The following PRKN variants were observed in gnomAD, a reference collection of about 807,000 sequenced individuals.
The protein encoded by PRKN is parkin RBR E3 ubiquitin protein ligase.
A neutral mutation model predicts 59.5 loss-of-function variants in PRKN; 56 were observed. The ratio of observed to expected loss-of-function variants is 0.94; its 90% CI spans 0.76 to 1.18. PRKN has a LOEUF of 1.18. PRKN is among the 50% of genes most tolerant of loss of function. The probability of loss-of-function intolerance (pLI) is 0.00; values close to 1 mark genes in which losing one functional copy is unlikely to be tolerated. For synonymous variants in PRKN, 250 were observed against 222.1 expected (o/e 1.13, Z -1.12); for missense variants, 657 against 596.4 (o/e 1.10, Z -1.06).
chr6:161,473,617 A>G lies in PRKN; in HGVS notation c.1083+75237T>C, dbSNP rs1034095437. ...AAAATGGGGAGATATGGGTCAAAGC[A>G]TACAAAGTTACAGGTAGGACAAATA... On this transcript the variant is annotated intron_variant, in intron 9 of 11. Coordinates refer to ENST00000366898, the MANE Select transcript of PRKN (RefSeq NM_004562.3). This position sits in a 1 kb window ranked among gnomAD's most constrained non-coding sequence, Gnocchi z 4.1. 2.0e-5 allele frequency among the ~76,000 whole-genome samples: 3 copies of G among 151,880 alleles called. No individual in the cohort carries two copies. Among genetic ancestry groups the G allele is most frequent in the Non-Finnish European group, 4.4e-5 (3 of 68,002 alleles).
intron 7 of PRKN, among the ~76,000 whole-genome samples, chr6:161,637,014 T>G (rs984783630): frequency 3.3e-5 from 5 of 152,330 alleles, no homozygotes; most frequent in Non-Finnish European, 7.3e-5. Flanking sequence ...TCAGAATGTA[T>G]CAGCCACTGC....
intron 7 of PRKN, among the ~76,000 whole-genome samples, chr6:161,756,634 T>C (rs948594398): frequency 4.6e-5 from 7 of 151,846 alleles, no homozygotes; most frequent in African/African-American, 7.3e-5. Flanking sequence ...TGTCTTTATG[T>C]CTTTCTTTTT....
At chr6:161,988,253 G>A (rs966461760) in intron 5 of PRKN, among the ~76,000 whole-genome samples, 4 of 152,064 alleles carry the variant, frequency 2.6e-5, no homozygotes, top group East Asian at 3.9e-4. Flanking sequence ...TTGGGAGGCC[G>A]AGGCAGGCGG....
intron 7 of PRKN, among the ~76,000 whole-genome samples, chr6:161,713,446 G>A (rs945264495): frequency 6.6e-6 from 1 of 152,108 alleles, no homozygotes; most frequent in African/African-American, 2.4e-5. Flanking sequence ...TCTCTAGGGG[G>A]TGCACCCTGA....
intron 1 of PRKN, among the ~76,000 whole-genome samples, chr6:162,551,777 C>T (rs1288434197): frequency 1.3e-5 from 2 of 152,204 alleles, no homozygotes; most frequent in Admixed American, 6.5e-5. Context: ...TTGTCCTCCA[C>T]AATCCTTGAA....
intron 1 of PRKN, among the ~76,000 whole-genome samples, chr6:162,492,909 C>A (rs994394550): frequency 1.1e-4 from 17 of 150,930 alleles, no homozygotes; most frequent in Admixed American, 1.1e-3. Context: ...GCTGAGATCC[C>A]GCCACTGCAC....
At chr6:161,784,846 G>A (rs918218425) in intron 7 of PRKN, among the ~76,000 whole-genome samples, 6 of 151,982 alleles carry the variant, frequency 3.9e-5, no homozygotes, top group South Asian at 4.2e-4. Context: ...CCAAAAAGAC[G>A]GAAACAACAC....
At chr6:161,928,975 C>A (rs916489439) in intron 6 of PRKN, among the ~76,000 whole-genome samples, 4 of 151,788 alleles carry the variant, frequency 2.6e-5, no homozygotes, top group Non-Finnish European at 5.9e-5. Flanking sequence ...CATGTATATA[C>A]CCCAAAAAAG....
At position 162,431,314 on chromosome 6, in the gene PRKN, T is replaced by G. The variant is rs1412351833; in HGVS notation, c.171+11996A>C. Among the ~76,000 whole-genome samples the G allele has an allele frequency of 2.6e-5, 4 of 152,172 alleles. No individual in the cohort carries two copies. In the East Asian group the frequency reaches 7.7e-4, roughly 29 times the overall value. Reference sequence around the variant, plus strand: ...GTAACCAACAGATACATATCATCAATGCGCACAGAAACTTAAGGAGGGGCC... The same window carrying G: ...GTAACCAACAGATACATATCATCAAGGCGCACAGAAACTTAAGGAGGGGCC... On this transcript the variant is annotated intron_variant, in intron 2 of 11. Coordinates refer to ENST00000366898, the MANE Select transcript of PRKN (RefSeq NM_004562.3).
chr6:161,426,218 T>G (rs116224304), intron 9 of PRKN, among the ~76,000 whole-genome samples: 5,587 of 152,244 alleles, frequency 0.037, 343 homozygotes, highest in African/African-American at 0.13. Flanking sequence ...AGGGGCGTGC[T>G]GAAGTACCTC....
chr6:162,179,109 G>A (rs1041982797), intron 4 of PRKN, among the ~76,000 whole-genome samples: 3 of 152,064 alleles, frequency 2.0e-5, no homozygotes, highest in African/African-American at 7.2e-5. Context: ...CAAACTTCTG[G>A]CTTCAAGCAA....
chr6:161,874,235 TATATAATATATAATATATATTATATGTAA>T (rs1794526293), intron 6 of PRKN, among the ~76,000 whole-genome samples: 1 of 8,738 alleles, frequency 1.1e-4, no homozygotes, highest in Non-Finnish European at 3.2e-4. Context: ...TTATATATAA[TATATAATATATAATATATATTATATGTAA>T]AATATATAAT....
At chr6:162,215,847 T>G (rs1777623154) in intron 3 of PRKN, among the ~76,000 whole-genome samples, 1 of 151,108 alleles carries the variant, frequency 6.6e-6, no homozygotes, top group Non-Finnish European at 1.5e-5. Context: ...AGTTCAAGAC[T>G]AGCTTGGCCA....
At chr6:161,500,682 GTTTA>G (rs1488134316) in intron 9 of PRKN, among the ~76,000 whole-genome samples, 1 of 152,072 alleles carries the variant, frequency 6.6e-6, no homozygotes, top group Non-Finnish European at 1.5e-5. Flanking sequence ...GGAAGTACCA[GTTTA>G]TTTATCCATT....
intron 6 of PRKN, among the ~76,000 whole-genome samples, chr6:161,844,491 C>G (rs9355937): frequency 0.43 from 65,626 of 152,066 alleles, 14,637 homozygotes; most frequent in East Asian, 0.69. Context: ...TTTCTGCTGT[C>G]GTGGCAATGT....
rs539773566 is a variant in PRKN, at chr6:161,533,705, C to A, written c.1083+15149G>T. On this transcript the variant is annotated intron_variant, in intron 9 of 11. Transcript: ENST00000366898. The surrounding 1 kb of genome is among the most constrained non-coding windows in gnomAD (Gnocchi z 4.1). Reference sequence around the variant, plus strand: ...AATCTGCTGGGATCTGCCACCTTAACCCTTTTTTTCAGACATCTCTCTCTC... The same window carrying A: ...AATCTGCTGGGATCTGCCACCTTAAACCTTTTTTTCAGACATCTCTCTCTC... Among the ~76,000 whole-genome samples the A allele has an allele frequency of 2.6e-5, 4 of 152,222 alleles. No individual in the cohort carries two copies. The highest frequency in any genetic ancestry group is 5.9e-5 in the Non-Finnish European group (4 of 68,014).
intron 7 of PRKN, among the ~76,000 whole-genome samples, chr6:161,666,422 C>T (rs1784728258): frequency 6.6e-6 from 1 of 152,204 alleles, no homozygotes; most frequent in Non-Finnish European, 1.5e-5. Context: ...ACAGTTTCAT[C>T]TGCAACCACT....
At chr6:162,478,464 G>T (rs1792133690) in intron 1 of PRKN, among the ~76,000 whole-genome samples, 1 of 152,144 alleles carries the variant, frequency 6.6e-6, no homozygotes, top group African/African-American at 2.4e-5. Flanking sequence ...GCTTGCAATG[G>T]TGAGGAGCCT....
chr6:161,570,814 C>T (rs1238166486), intron 7 of PRKN, among the ~76,000 whole-genome samples: 1 of 152,170 alleles, frequency 6.6e-6, no homozygotes, highest in Non-Finnish European at 1.5e-5. Flanking sequence ...TCCTAAGCCT[C>T]ACATTGTTCG....
Sources: gnomAD v4.1 joint callset for allele counts (sites outside exome capture counted in the v4.1 genomes callset) on GRCh38, gnomAD v4.1.1 for gene constraint, Gnocchi (gnomAD v3.1) non-coding constraint, MANE v1.5 for transcripts, NCBI Gene and HGNC (gene_info 2026-07-23, HGNC 2026-07-21) for gene names.